The following HDAC9 variants were observed in gnomAD, a reference collection of about 807,000 sequenced individuals.
HDAC9 encodes the protein histone deacetylase 9.
Under a neutral mutation model 139.4 loss-of-function variants are expected in HDAC9, and 41 were observed. That is an observed-to-expected ratio of 0.29 (90% CI 0.23 to 0.38). HDAC9 has a LOEUF of 0.38. Among genes scored for constraint, HDAC9 ranks in the 10% least tolerant of loss-of-function variants. HDAC9 has a pLI of 1.00. For synonymous variants in HDAC9, 517 were observed against 476.2 expected (o/e 1.09, Z -1.12); for missense variants, 1,147 against 1,297.0 (o/e 0.88, Z 1.78).
In HDAC9 at chr7:18,393,125, A is replaced by AT. The variant is rs66516361; in HGVS notation, c.-42+102622dup. Among the ~76,000 whole-genome samples, 212 of 149,450 alleles carry AT rather than the reference A, an allele frequency of 1.4e-3. 4 individuals carry two copies. The East Asian group carries it at 0.031, about 22-fold the overall frequency. On this transcript the variant is annotated intron_variant, in intron 1 of 3. Transcript: ENST00000413509. ...GATTTTAAAAATTTAGATAAAATGGATTTTTTTTTTTTAAAAAAACATAAA... is the reference window on the plus strand; with the variant it reads ...GATTTTAAAAATTTAGATAAAATGGATTTTTTTTTTTTTAAAAAAACATAAA...
intron 2 of HDAC9, among the ~76,000 whole-genome samples, chr7:18,273,898 C>G (rs1232337980): frequency 6.6e-6 from 1 of 152,140 alleles, no homozygotes; most frequent in African/African-American, 2.4e-5. Context: ...TTTTACGCAT[C>G]TATCATATTG....
chr7:18,551,193 A>T (rs1337814829), intron 2 of HDAC9, among the ~76,000 whole-genome samples: 1 of 152,152 alleles, frequency 6.6e-6, no homozygotes, highest in African/African-American at 2.4e-5. Flanking sequence ...TATGGAGAAG[A>T]TGGCATATGG....
intron 6 of HDAC9, among the ~76,000 whole-genome samples, chr7:18,612,497 G>A (rs1007492335): frequency 4.6e-5 from 7 of 152,038 alleles, no homozygotes; most frequent in African/African-American, 1.7e-4. Flanking sequence ...CAGATAATAT[G>A]CATATTAATG....
chr7:18,482,714 C>T (rs1795668742), intron 1 of HDAC9, among the ~76,000 whole-genome samples: 2 of 152,106 alleles, frequency 1.3e-5, no homozygotes, highest in South Asian at 2.1e-4. Context: ...CATAACTTTT[C>T]TTCCTGGGCC....
intron 2 of HDAC9, among the ~76,000 whole-genome samples, chr7:18,552,553 A>C (rs774601999): frequency 6.6e-6 from 1 of 152,036 alleles, no homozygotes; most frequent in Non-Finnish European, 1.5e-5. Flanking sequence ...CTGCTTCTTT[A>C]TTTCAGGGAA....
intron 2 of HDAC9, among the ~76,000 whole-genome samples, chr7:18,531,715 A>G (rs955913295): frequency 5.3e-5 from 8 of 152,010 alleles, no homozygotes; most frequent in Admixed American, 2.6e-4. Context: ...TTAACTATAC[A>G]ATGTAGTTCG....
chr7:18,320,956 A>G (rs1346065774), intron 1 of HDAC9, among the ~76,000 whole-genome samples: 1 of 152,190 alleles, frequency 6.6e-6, no homozygotes, highest in Non-Finnish European at 1.5e-5. Flanking sequence ...GAGAGAAGAG[A>G]GAGATAATTA....
chr7:18,620,646 TGAG>T (rs1450753175), intron 6 of HDAC9, among the ~76,000 whole-genome samples: 1 of 151,962 alleles, frequency 6.6e-6, no homozygotes, highest in Non-Finnish European at 1.5e-5. Flanking sequence ...GGCACATTGG[TGAG>T]GAGGAGGAAA....
chr7:18,582,261 G>GA (rs1225413361), intron 2 of HDAC9, among the ~76,000 whole-genome samples: 11 of 152,092 alleles, frequency 7.2e-5, no homozygotes, highest in African/African-American at 2.7e-4. Context: ...ATGCAATTTG[G>GA]AAAAATACAG....
At chr7:18,253,713 T>C (rs1795068215) in intron 2 of HDAC9, among the ~76,000 whole-genome samples, 1 of 152,236 alleles carries the variant, frequency 6.6e-6, no homozygotes, top group South Asian at 2.1e-4. Flanking sequence ...ACCTTTGCTC[T>C]GCCCAATCTT....
At chr7:18,271,399 T>G (rs1435615778) in intron 2 of HDAC9, among the ~76,000 whole-genome samples, 3 of 152,200 alleles carry the variant, frequency 2.0e-5, no homozygotes, top group Non-Finnish European at 4.4e-5. Flanking sequence ...GATCCATAAC[T>G]TAGAACATTA....
chr7:18,337,033 TTATAA>T (rs1223490842), intron 1 of HDAC9, among the ~76,000 whole-genome samples: 1 of 151,708 alleles, frequency 6.6e-6, no homozygotes, highest in African/African-American at 2.4e-5. Flanking sequence ...TTCAATTGAA[TTATAA>T]TATATTTAAT....
intron 2 of HDAC9, among the ~76,000 whole-genome samples, chr7:18,217,062 G>C (rs963501925): frequency 9.9e-5 from 15 of 151,934 alleles, no homozygotes; most frequent in Non-Finnish European, 1.6e-4. Flanking sequence ...AAGAATCCAC[G>C]CAAAAAATCA....
intron 12 of HDAC9, among the ~76,000 whole-genome samples, chr7:18,693,784 T>A (rs1302709808): frequency 2.0e-5 from 3 of 152,210 alleles, no homozygotes; most frequent in Non-Finnish European, 4.4e-5. Flanking sequence ...GCTAAATAAA[T>A]CATTTGAAGC....
intron 2 of HDAC9, among the ~76,000 whole-genome samples, chr7:18,197,688 T>G (rs7791635): frequency 0.025 from 3,866 of 152,256 alleles, 158 homozygotes; most frequent in African/African-American, 0.088. Context: ...CTCTTGACAT[T>G]GGTTTGTCAG....
intron 25 of HDAC9, among the ~76,000 whole-genome samples, chr7:18,983,692 T>C (rs1015294987): frequency 6.6e-6 from 1 of 152,148 alleles, no homozygotes; most frequent in Admixed American, 6.5e-5. Context: ...GGCTGTACCA[T>C]TTTTCATTCC....
intron 1 of HDAC9, among the ~76,000 whole-genome samples, chr7:18,433,044 C>T (rs942817297): frequency 6.6e-6 from 1 of 151,970 alleles, no homozygotes; most frequent in Non-Finnish European, 1.5e-5. Flanking sequence ...AGCTAATCCA[C>T]CCTGACCAAG....
At chr7:18,284,059 T>C (rs1436084039) in intron 2 of HDAC9, among the ~76,000 whole-genome samples, 1 of 152,172 alleles carries the variant, frequency 6.6e-6, no homozygotes, top group Non-Finnish European at 1.5e-5. Flanking sequence ...CCTTAAGTGC[T>C]ACCATAATTT....
intron 2 of HDAC9, among the ~76,000 whole-genome samples, chr7:18,521,534 C>G (rs1805039477): frequency 6.6e-6 from 1 of 152,130 alleles, no homozygotes; most frequent in South Asian, 2.1e-4. Context: ...TTCTAATACT[C>G]CCAATTAAAA....
Sources: gnomAD v4.1 joint callset for allele counts (sites outside exome capture counted in the v4.1 genomes callset) on GRCh38, gnomAD v4.1.1 for gene constraint, MANE v1.5 for transcripts, NCBI Gene and HGNC (gene_info 2026-07-23, HGNC 2026-07-21) for gene names.